The following ATIC variants were observed in gnomAD, a reference collection of about 807,000 sequenced individuals.
The protein encoded by ATIC is bifunctional purine biosynthesis protein ATIC.
Under a neutral mutation model 72.5 loss-of-function variants are expected in ATIC, and 64 were observed. The ratio of observed to expected loss-of-function variants is 0.88; its 90% CI spans 0.72 to 1.09. ATIC has a LOEUF of 1.09. Among genes scored for constraint, ATIC ranks in the 50% least tolerant of loss-of-function variants. The pLI is 0.00. For missense variants in ATIC, 787 were observed against 732.4 expected, an observed-to-expected ratio of 1.07 and a Z score of -0.86; for synonymous variants, 281 against 267.1, an observed-to-expected ratio of 1.05 and a Z score of -0.51.
the ATIC span, chr2:215,368,106 G>A: frequency 7.8e-6 from 11 of 1,405,206 alleles, no homozygotes; most frequent in East Asian, 2.3e-4. Flanking sequence ...TCGAATGACT[G>A]TATACAATGA....
At chr2:215,344,580 T>C (rs12471482) in intron 12 of ATIC, among the ~76,000 whole-genome samples, 199 bp from the exon 13 acceptor site, 141,046 of 152,000 alleles carry the variant, frequency 0.93, 65,467 homozygotes, top group East Asian at 1. Context: ...GTAATTGAAG[T>C]GTGAGAATCT....
the ATIC span, among the ~76,000 whole-genome samples, chr2:215,368,206 G>A: frequency 0.014 from 2,108 of 152,306 alleles, 40 homozygotes; most frequent in African/African-American, 0.047. Context: ...ATGGTTAGAT[G>A]TGACACCTGT....
chr2:215,326,015 C>T lies in ATIC; in HGVS notation c.408C>T (p.Ala136=). The T allele has an allele frequency of 7.4e-6, 12 of 1,614,110 alleles. No homozygotes were observed. The highest frequency in any genetic ancestry group is 8.5e-6 in the Non-Finnish European group (10 of 1,180,000). Residue 136 remains alanine, a synonymous_variant, in exon 6 of 16, where the codon GCC becomes GCT. Coordinates refer to ENST00000236959, the MANE Select transcript of ATIC (RefSeq NM_004044.7). The stretch of plus-strand genomic sequence containing the variant: ...GAGTAACCTTACTGAGAGCTGCAGC[C>T]AAAAACCACGCTCGAGTGACAGTGG... ...IGGVTLLRAA[A]KNHARVTVVC...
At chr2:215,322,781 G>A (rs543641576) in intron 4 of ATIC, among the ~76,000 whole-genome samples, 5 of 152,202 alleles carry the variant, frequency 3.3e-5, no homozygotes, top group Admixed American at 6.5e-5. Flanking sequence ...ATCATTTGTT[G>A]AAAAGACTGT....
chr2:215,343,235 G>A (rs1420676458), intron 12 of ATIC, among the ~76,000 whole-genome samples: 2 of 151,534 alleles, frequency 1.3e-5, no homozygotes, highest in African/African-American at 4.9e-5. Context: ...AGCTCATGAT[G>A]TTGAACATTT....
rs570047007 is a variant in ATIC, at chr2:215,328,274, C to T, written c.688+1296C>T. On this transcript the variant is annotated intron_variant, in intron 7 of 15. Transcript: ENST00000236959. ...GTAATCTAAGTAATTTGTTTTCTCT[C>T]GGCCTTTCTGGGCTTCACAGCACAG... Among the ~76,000 whole-genome samples, 289 of 151,936 alleles carry T rather than the reference C, an allele frequency of 1.9e-3. 3 individuals carry two copies. The highest frequency in any genetic ancestry group is 6.6e-3 in the African/African-American group (276 of 41,510).
chr2:215,350,151 G>A (rs1276984399), downstream of ATIC, among the ~76,000 whole-genome samples: 2 of 151,944 alleles, frequency 1.3e-5, no homozygotes, highest in African/African-American at 4.8e-5. Flanking sequence ...TATTTTGAGA[G>A]GGAGTCTCAA....
chr2:215,327,570 T>A (rs565670721), intron 7 of ATIC, among the ~76,000 whole-genome samples: 1 of 152,310 alleles, frequency 6.6e-6, no homozygotes, highest in South Asian at 2.1e-4. Flanking sequence ...ATGTGTGTCC[T>A]GTTCTGTTCC....
At chr2:215,339,616 CTGAT>C (rs1032060081) in intron 12 of ATIC, among the ~76,000 whole-genome samples, 3 of 152,082 alleles carry the variant, frequency 2.0e-5, no homozygotes, top group African/African-American at 4.8e-5. Flanking sequence ...TATTTTTACC[CTGAT>C]TGATTGATTT....
the ATIC span, chr2:215,365,127 C>G: frequency 1.4e-6 from 1 of 714,416 alleles, no homozygotes; most frequent in Admixed American, 2.0e-5. Flanking sequence ...TCCCTAAGAG[C>G]AGTACTGCTA....
chr2:215,350,123 T>G (rs1001975637), downstream of ATIC, among the ~76,000 whole-genome samples: 3 of 152,162 alleles, frequency 2.0e-5, no homozygotes, highest in Non-Finnish European at 4.4e-5. Context: ...TTGTTTGTTT[T>G]TCATTTTTTT....
the ATIC span, among the ~76,000 whole-genome samples, chr2:215,354,986 C>T: frequency 3.8e-4 from 58 of 152,076 alleles, no homozygotes; most frequent in African/African-American, 1.3e-3. Context: ...TAAGAGCAAC[C>T]ATTCTTCACT....
the ATIC span, among the ~76,000 whole-genome samples, chr2:215,359,309 T>A: frequency 1.3e-5 from 2 of 152,308 alleles, no homozygotes; most frequent in East Asian, 3.9e-4. Context: ...TTAAGCAAGA[T>A]TCAGATGAAG....
At position 215,333,394 on chromosome 2, in the gene ATIC, TGCATG is replaced by T. The variant is rs757560807; in HGVS notation, c.861_865del (p.Met288LeufsTer2). On this transcript the variant is annotated frameshift_variant, in exon 9 of 16. Coordinates refer to ENST00000236959, the MANE Select transcript of ATIC (RefSeq NM_004044.7). LOFTEE classifies it high-confidence loss of function. The stretch of plus-strand genomic sequence containing the variant: ...ACTCAGTGAAGATGAGGCCAAAGTC[TGCATG>T]GTTTATGATCTCTATAAAACCCTCA... 1 of 1,614,182 alleles carries T rather than the reference TGCATG, an allele frequency of 6.2e-7. No homozygotes were observed. Among genetic ancestry groups the T allele is most frequent in the South Asian group, 1.1e-5 (1 of 91,080 alleles).
In ATIC at chr2:215,349,396, A is replaced by C. The variant is rs2053107968; in HGVS notation, c.1660-140A>C. 10 of 1,571,258 alleles carry C rather than the reference A, an allele frequency of 6.4e-6. No individual in the cohort carries two copies. The East Asian group carries it at 2.3e-4, about 36-fold the overall frequency. Reference sequence around the variant, plus strand: ...ACCATTTGACTTCTCCATTGGGTGGATGGAGAACCCAAATCCTGTTGTTAT... The same window carrying C: ...ACCATTTGACTTCTCCATTGGGTGGCTGGAGAACCCAAATCCTGTTGTTAT... On this transcript the variant is annotated intron_variant, in intron 15 of 15. Coordinates refer to ENST00000236959, the MANE Select transcript of ATIC (RefSeq NM_004044.7).
chr2:215,342,165 G>C (rs984267797), intron 12 of ATIC, among the ~76,000 whole-genome samples: 1 of 152,080 alleles, frequency 6.6e-6, no homozygotes, highest in Non-Finnish European at 1.5e-5. Flanking sequence ...CAGCCAAACC[G>C]TATCACCAAG....
chr2:215,314,768 A>G (rs1190821796), intron 2 of ATIC, among the ~76,000 whole-genome samples: 1 of 152,064 alleles, frequency 6.6e-6, no homozygotes, highest in East Asian at 1.9e-4. Flanking sequence ...CTGGGATTAC[A>G]GGTGTGAGCC....
At chr2:215,343,742 C>G (rs1465840605) in intron 12 of ATIC, among the ~76,000 whole-genome samples, 1 of 152,204 alleles carries the variant, frequency 6.6e-6, no homozygotes, top group Non-Finnish European at 1.5e-5. Flanking sequence ...TTTTCATCCT[C>G]TTTAATGAGG....
chr2:215,327,388 T>A (rs922459773), intron 7 of ATIC, among the ~76,000 whole-genome samples: 6 of 152,170 alleles, frequency 3.9e-5, no homozygotes, highest in Admixed American at 3.3e-4. Context: ...AGGGACTGTT[T>A]GTTTTGCACA....
Sources: allele counts gnomAD v4.1 joint callset (sites outside exome capture counted in the v4.1 genomes callset), GRCh38; gene constraint gnomAD v4.1.1; transcripts MANE v1.5; gene names NCBI Gene and HGNC (gene_info 2026-07-23, HGNC 2026-07-21).